The following ZFHX4 variants were observed in gnomAD, a reference collection of about 807,000 sequenced individuals.
ZFHX4 encodes zinc finger homeobox 4.
ZFHX4 carries 56 observed loss-of-function variants against 267.6 expected under a neutral mutation model. That is an observed-to-expected ratio of 0.21 (90% confidence interval 0.17 to 0.26). ZFHX4 has a LOEUF of 0.26. Among genes scored for constraint, ZFHX4 ranks in the 10% least tolerant of loss-of-function variants. ZFHX4 has a pLI of 1.00. For missense variants in ZFHX4, 4,332 were observed against 4,420.0 expected (o/e 0.98, Z 0.56); for synonymous variants, 1,778 against 1,665.6 (o/e 1.07, Z -1.64).
At chr8:76,758,823 C>T (rs1809833664) in intron 3 of ZFHX4, among the ~76,000 whole-genome samples, 1 of 152,060 alleles carries the variant, frequency 6.6e-6, no homozygotes, top group African/African-American at 2.4e-5. Flanking sequence ...TTTATGACTC[C>T]TGAGCTTGAA....
chr8:76,778,898 T>G (rs1190641620), intron 4 of ZFHX4, among the ~76,000 whole-genome samples: 1 of 152,194 alleles, frequency 6.6e-6, no homozygotes, highest in African/African-American at 2.4e-5. Context: ...ACATAAGACC[T>G]AGTCAGGGTC....
chr8:76,798,402 C>G (rs1334856549), intron 4 of ZFHX4, among the ~76,000 whole-genome samples: 4 of 152,112 alleles, frequency 2.6e-5, no homozygotes, highest in Non-Finnish European at 5.9e-5. Context: ...TTCGGAATTG[C>G]TCCTGTTTGA....
At chr8:76,701,391 G>A (rs981027148) in intron 1 of ZFHX4, among the ~76,000 whole-genome samples, 5 of 152,036 alleles carry the variant, frequency 3.3e-5, no homozygotes, top group Non-Finnish European at 5.9e-5. Context: ...TTGTATGGGA[G>A]TATTGTACCA....
At chr8:76,803,162 G>C (rs1047165660) in intron 4 of ZFHX4, among the ~76,000 whole-genome samples, 1 of 151,994 alleles carries the variant, frequency 6.6e-6, no homozygotes, top group Non-Finnish European at 1.5e-5. Context: ...AAATATTTTT[G>C]AGCAAGGGAA....
At chr8:76,767,474 C>T (rs112047486) in intron 3 of ZFHX4, among the ~76,000 whole-genome samples, 5 of 152,208 alleles carry the variant, frequency 3.3e-5, no homozygotes, top group African/African-American at 1.2e-4. Flanking sequence ...TATCCCAGCA[C>T]ATGTTAAAAT....
chr8:76,735,243 G>T (rs564641555), intron 3 of ZFHX4, among the ~76,000 whole-genome samples: 1 of 152,162 alleles, frequency 6.6e-6, no homozygotes, highest in Non-Finnish European at 1.5e-5. Flanking sequence ...TAAGAATTTT[G>T]TAGGTTTTTG....
chr8:76,779,959 G>A (rs1810505517), intron 4 of ZFHX4, among the ~76,000 whole-genome samples: 1 of 151,824 alleles, frequency 6.6e-6, no homozygotes, highest in Non-Finnish European at 1.5e-5. Flanking sequence ...GAATATTTTT[G>A]CTAAGGCATA....
At chr8:76,725,230 T>A (rs1808822094) in intron 3 of ZFHX4, among the ~76,000 whole-genome samples, 1 of 152,090 alleles carries the variant, frequency 6.6e-6, no homozygotes, top group Admixed American at 6.6e-5. Context: ...GTACACAATC[T>A]TATGATCAAC....
Position 76,833,439 on chromosome 8 carries a change from C to G in ZFHX4, c.3394+33C>G, listed in dbSNP as rs1462215978. On this transcript the variant is annotated intron_variant, in intron 5 of 10. Coordinates refer to ENST00000651372, the MANE Select transcript of ZFHX4 (RefSeq NM_024721.5). ...TTCCTACTCCTTCTCAAAATATTTCCTTGTCCTAAATGAGTTGCTTTTGTT... is the reference window on the plus strand; with the variant it reads ...TTCCTACTCCTTCTCAAAATATTTCGTTGTCCTAAATGAGTTGCTTTTGTT... 2.0e-6 allele frequency: 3 copies of G among 1,535,960 alleles called. No homozygotes were observed. The South Asian group carries it at 3.5e-5, about 18-fold the overall frequency.
chr8:76,830,248 C>T (rs749515792), intron 4 of ZFHX4, among the ~76,000 whole-genome samples: 1 of 152,092 alleles, frequency 6.6e-6, no homozygotes, highest in African/African-American at 2.4e-5. Flanking sequence ...ATAAAAATAG[C>T]GTAATTTGGC....
chr8:76,795,116 A>G (rs1349553765), intron 4 of ZFHX4, among the ~76,000 whole-genome samples: 1 of 152,210 alleles, frequency 6.6e-6, no homozygotes, highest in Admixed American at 6.5e-5. Context: ...TTCCTTCTTC[A>G]TTGTAATTAC....
rs755549726 is a variant in ZFHX4 at position 76,864,450 on chromosome 8, G to A, written c.10736G>A (p.Ser3579Asn). 1.9e-6 allele frequency: 3 copies of A among 1,613,818 alleles called. No homozygotes were observed. The highest frequency in any genetic ancestry group is 1.7e-6 in the Non-Finnish European group (2 of 1,179,854). Reference sequence around the variant, plus strand: ...GAAAGTTGTTCAGATGAGTCTGACAGTGAGCTGAGCCAGAAGCTAGAAGAC... The same window carrying A: ...GAAAGTTGTTCAGATGAGTCTGACAATGAGCTGAGCCAGAAGCTAGAAGAC... ...PTESCSDESD[S>N]ELSQKLEDLD... Residue 3579 changes from serine to asparagine, a missense_variant, in exon 11 of 11, where the codon AGT becomes AAT. Physicochemically the swap from Ser to Asn is conservative, Grantham distance 46 (BLOSUM62 1). Around this residue, in one of 7 missense-constraint regions of ZFHX4, gnomAD observed 1,648 missense variants for 1,625.0 expected, o/e 1.01. Transcript: ENST00000651372.
intron 3 of ZFHX4, among the ~76,000 whole-genome samples, chr8:76,712,985 T>C (rs1808466134): frequency 6.6e-6 from 1 of 152,198 alleles, no homozygotes; most frequent in African/African-American, 2.4e-5. Flanking sequence ...TATAAATACA[T>C]GGATTAAATA....
intron 4 of ZFHX4, among the ~76,000 whole-genome samples, chr8:76,829,338 A>G (rs995371660): frequency 2.0e-5 from 3 of 151,946 alleles, no homozygotes; most frequent in Non-Finnish European, 4.4e-5. Flanking sequence ...TTTTGAACTG[A>G]GATTAAATAC....
chr8:76,746,622 G>C (rs934423554), intron 3 of ZFHX4, among the ~76,000 whole-genome samples: 1 of 151,920 alleles, frequency 6.6e-6, no homozygotes, highest in Non-Finnish European at 1.5e-5. Context: ...TTTTTTCTCT[G>C]TTCAGATTGT....
At chr8:76,857,366 ATATATATAT>A (rs1812759344) in intron 10 of ZFHX4, among the ~76,000 whole-genome samples, 2 of 148,034 alleles carry the variant, frequency 1.4e-5, no homozygotes, top group East Asian at 3.9e-4. Flanking sequence ...ATATATATAT[ATATATATAT>A]ATATATCTAC....
chr8:76,834,906 T>C (rs566504752), intron 5 of ZFHX4, among the ~76,000 whole-genome samples: 7 of 151,918 alleles, frequency 4.6e-5, no homozygotes, highest in African/African-American at 1.7e-4. Flanking sequence ...TAACCCATTT[T>C]GAGTGAATGT....
At chr8:76,839,240 ATACTC>A (rs1010263981) in intron 5 of ZFHX4, among the ~76,000 whole-genome samples, 1 of 152,214 alleles carries the variant, frequency 6.6e-6, no homozygotes, top group Admixed American at 6.5e-5. Context: ...TCAAATGAAA[ATACTC>A]TAAGCTAGTC....
chr8:76,729,612 T>C (rs971107393), intron 3 of ZFHX4, among the ~76,000 whole-genome samples: 1 of 152,200 alleles, frequency 6.6e-6, no homozygotes, highest in African/African-American at 2.4e-5. Context: ...TCTTAGACTC[T>C]GCCTCTTACA....
Sources: allele counts gnomAD v4.1 joint callset (sites outside exome capture counted in the v4.1 genomes callset), GRCh38; gene constraint gnomAD v4.1.1; regional missense constraint gnomAD v4.1.1; transcripts MANE v1.5; gene names NCBI Gene and HGNC (gene_info 2026-07-23, HGNC 2026-07-21).